PCLO: variants seen among roughly 807,000 people sequenced by gnomAD.
PCLO encodes the protein piccolo presynaptic cytomatrix protein.
In PCLO, 82 loss-of-function variants were observed where a neutral mutation model predicts 427.5. The ratio of observed to expected loss-of-function variants is 0.19; its 90% CI spans 0.16 to 0.23. The LOEUF (loss-of-function observed/expected upper bound fraction) is 0.23, where lower values mean the gene tolerates loss of function less well. Ranked by LOEUF, PCLO falls within the 10% of genes least tolerant of loss-of-function variation. PCLO has a pLI of 1.00. For missense variants in PCLO, 6,239 were observed against 6,115.9 expected, an observed-to-expected ratio of 1.02 and a Z score of -0.67; for synonymous variants, 2,357 against 2,155.4, an observed-to-expected ratio of 1.09 and a Z score of -2.59.
intron 3 of PCLO, among the ~76,000 whole-genome samples, chr7:83,071,511 C>A (rs553088835): frequency 6.6e-6 from 1 of 152,242 alleles, no homozygotes; most frequent in Non-Finnish European, 1.5e-5. Context: ...AACATTGCCA[C>A]ATTTCACAAC....
At chr7:83,070,132 C>A (rs1435053693) in intron 3 of PCLO, among the ~76,000 whole-genome samples, 1 of 152,074 alleles carries the variant, frequency 6.6e-6, no homozygotes, top group Admixed American at 6.6e-5. Flanking sequence ...CAATTTCTCT[C>A]TCTGGGAAAA....
At chr7:82,912,908 G>A (rs576864622) in intron 7 of PCLO, among the ~76,000 whole-genome samples, 5 of 152,010 alleles carry the variant, frequency 3.3e-5, no homozygotes, top group Admixed American at 6.5e-5. Flanking sequence ...AAGGCATTTC[G>A]TTATGCCATT....
intron 3 of PCLO, among the ~76,000 whole-genome samples, chr7:82,994,491 T>C (rs569200535): frequency 7.2e-5 from 11 of 152,068 alleles, no homozygotes; most frequent in African/African-American, 2.4e-4. Flanking sequence ...GTAAGCTACA[T>C]GAAGAATTTT....
chr7:82,883,666 TC>T (rs1793562892), intron 9 of PCLO, among the ~76,000 whole-genome samples: 1 of 152,188 alleles, frequency 6.6e-6, no homozygotes, highest in African/African-American at 2.4e-5. Flanking sequence ...TCCTGAGTAT[TC>T]CAATAATAAA....
chr7:82,834,181 C>T (rs1439994266), intron 16 of PCLO, among the ~76,000 whole-genome samples: 3 of 152,058 alleles, frequency 2.0e-5, no homozygotes, highest in Non-Finnish European at 2.9e-5. Context: ...CAATCTCTAT[C>T]ATTCTGATAA....
rs1452733049 is a variant in PCLO, at chr7:82,756,576, C to A, written c.*1999G>T. ...TATATCCTGGGATATATTAGAAATT[C>A]TCTTATTTTTAGTGCTTTACAGTCC... On this transcript the variant is annotated 3_prime_UTR_variant, in exon 25 of 25. Transcript: ENST00000333891. The A allele has an allele frequency of 6.6e-6, 1 of 151,794 alleles. No individual in the cohort carries two copies. Among genetic ancestry groups the A allele is most frequent in the Non-Finnish European group, 1.5e-5 (1 of 67,938 alleles). 9.4% of individuals were successfully genotyped at this position (151,794 alleles called of 1,614,324 possible). A position where few individuals can be genotyped will look rare whatever the true frequency, so the allele number is the denominator to read the frequency against.
At position 82,784,902 on chromosome 7, in the gene PCLO, CTATAA is replaced by C. The variant is rs1562784957; in HGVS notation, c.15007+16611_15007+16615del. ...AGTTGCATGGTATTCCATTACCTGC[CTATAA>C]TATATTTTATGTATCTGTTCCTCTA... is the stretch of plus-strand genomic sequence containing the variant. On this transcript the variant is annotated intron_variant, in intron 22 of 24. Transcript: ENST00000333891. 3.9e-5 allele frequency among the ~76,000 whole-genome samples: 6 copies of C among 151,946 alleles called. No homozygotes were observed. The South Asian group carries it at 1.2e-3, about 31-fold the overall frequency.
chr7:82,835,352 G>A (rs1387769607), intron 16 of PCLO, among the ~76,000 whole-genome samples: 1 of 152,148 alleles, frequency 6.6e-6, no homozygotes, highest in African/African-American at 2.4e-5. Context: ...ATTATTATGT[G>A]AGAAGCTAAA....
Position 82,916,791 on chromosome 7 carries a change from A to C in PCLO, c.11195T>G (p.Ile3732Ser). 4 of 1,613,582 alleles carry C rather than the reference A, an allele frequency of 2.5e-6. No individual in the cohort carries two copies. The highest frequency in any genetic ancestry group is 2.5e-6 in the Non-Finnish European group (3 of 1,179,668). The part of the protein sequence containing the change: ...RTLPNPPPEE[I>S]STGTQSTFST... ...GAATGTGGATTGAGTTCCTGTGGAA[A>C]TCTCCTCAGGAGGTGGATTTGGCAG... The change falls in exon 7 of 25, where the codon ATT becomes AGT. Residue 3732 changes from isoleucine (I) to serine (S), a missense_variant. Around this residue, in one of 5 missense-constraint regions of PCLO, gnomAD observed 4,677 missense variants for 4,468.4 expected, o/e 1.05. Coordinates refer to ENST00000333891, the MANE Select transcript of PCLO (RefSeq NM_033026.6).
Position 82,953,371 on chromosome 7 carries a change from C to G in PCLO, c.7582G>C (p.Asp2528His), listed in dbSNP as rs568755399. ...AGGCCTGTTGGTTTGGGGTGTATAT[C>G]TGTTGGTTTTTGTGTAGTTGTTGGA... ...QLPTTTQKPT[D>H]IHPKPTGLSL... The change falls in exon 5 of 25, where the codon GAT (aspartate) becomes CAT (histidine). Residue 2528 changes from aspartate to histidine, a missense_variant. Transcript: ENST00000333891. 8.7e-6 allele frequency: 14 copies of G among 1,613,554 alleles called. 1 individual carries two copies. The African/African-American group carries it at 1.7e-4, about 20-fold the overall frequency.
intron 9 of PCLO, among the ~76,000 whole-genome samples, chr7:82,896,145 C>T (rs1793898801): frequency 6.6e-6 from 1 of 151,798 alleles, no homozygotes; most frequent in African/African-American, 2.4e-5. Context: ...TAGACGGAAA[C>T]TTACCATACA....
intron 2 of PCLO, among the ~76,000 whole-genome samples, chr7:83,137,809 T>C (rs1239251820): frequency 2.0e-5 from 3 of 152,210 alleles, no homozygotes; most frequent in Non-Finnish European, 4.4e-5. Context: ...AACCTTTCTA[T>C]ATGTTTGAAG....
At chr7:82,919,458 T>A (rs2116288162) in intron 6 of PCLO, among the ~76,000 whole-genome samples, 1 of 152,058 alleles carries the variant, frequency 6.6e-6, no homozygotes, top group Admixed American at 6.6e-5. Flanking sequence ...GTGAGATCTG[T>A]TTCATTCAAG....
intron 3 of PCLO, among the ~76,000 whole-genome samples, chr7:83,053,959 CA>C (rs776371572): frequency 3.3e-5 from 5 of 151,772 alleles, no homozygotes; most frequent in African/African-American, 4.8e-5. Context: ...CAAAATGAAA[CA>C]AATTCTTGTA....
At chr7:82,862,559 T>A in intron 10 of PCLO, among the ~76,000 whole-genome samples, 1 of 115,778 alleles carries the variant, frequency 8.6e-6, no homozygotes, top group Non-Finnish European at 1.7e-5. Context: ...AGAGCAAGAC[T>A]CTGCCTCAAA....
intron 8 of PCLO, among the ~76,000 whole-genome samples, chr7:82,907,005 T>C (rs2116220795): frequency 6.6e-6 from 1 of 152,048 alleles, no homozygotes; most frequent in East Asian, 1.9e-4. Context: ...ATTTAAACCA[T>C]TATTACTATG....
chr7:82,982,699 A>G (rs2115786123), intron 3 of PCLO, among the ~76,000 whole-genome samples: 1 of 152,188 alleles, frequency 6.6e-6, no homozygotes, highest in South Asian at 2.1e-4. Flanking sequence ...TAGCATTAAG[A>G]CATGCATTAC....
At chr7:83,125,427 T>C (rs1199322502) in intron 3 of PCLO, among the ~76,000 whole-genome samples, 4 of 152,090 alleles carry the variant, frequency 2.6e-5, no homozygotes, top group African/African-American at 4.8e-5. Context: ...ATGATGACGA[T>C]GGTGGTTTTG....
At position 82,863,656 on chromosome 7, in the gene PCLO, A is replaced by T. The variant is rs552316923; in HGVS notation, c.13654+15681T>A. Among the ~76,000 whole-genome samples, 37 of 152,138 alleles carry T rather than the reference A, an allele frequency of 2.4e-4. 1 individual carries two copies. Among genetic ancestry groups the T allele is most frequent in the African/African-American group, 8.2e-4 (34 of 41,566 alleles). On this transcript the variant is annotated intron_variant, in intron 10 of 24. Coordinates refer to ENST00000333891, the MANE Select transcript of PCLO (RefSeq NM_033026.6). ...CTAAGAAGAAAACAGTTTAACAGCA[A>T]TTTCTGCCAACTGAATAGAATAAAA...
Sources: gnomAD v4.1 joint callset for allele counts (sites outside exome capture counted in the v4.1 genomes callset) on GRCh38, gnomAD v4.1.1 for gene constraint, gnomAD v4.1.1 regional missense constraint, MANE v1.5 for transcripts, NCBI Gene and HGNC (gene_info 2026-07-23, HGNC 2026-07-21) for gene names.